The following PPM1L variants were observed in gnomAD, a reference collection of about 807,000 sequenced individuals.
The protein encoded by PPM1L is protein phosphatase, Mg2+/Mn2+ dependent 1L.
PPM1L carries 13 observed loss-of-function variants against 31.4 expected under a neutral mutation model. The ratio of observed to expected loss-of-function variants is 0.41; its 90% CI spans 0.27 to 0.66. The LOEUF is 0.66. Among genes scored for constraint, PPM1L ranks in the 30% least tolerant of loss-of-function variants. The pLI is 0.29. For synonymous variants in PPM1L, 184 were observed against 175.4 expected, an observed-to-expected ratio of 1.05 and a Z score of -0.39; for missense variants, 326 against 453.7, an observed-to-expected ratio of 0.72 and a Z score of 2.56.
Position 161,074,708 on chromosome 3 carries a change from T to A in PPM1L, c.*5551T>A, listed in dbSNP as rs1720048330. ...GCAAACTGTTGAGGCTAGGGTTGAT[T>A]ATTGATAATTTTTATGTGTTTAGTA... On this transcript the variant is annotated 3_prime_UTR_variant, in exon 4 of 4. Transcript: ENST00000498165. 6.6e-6 allele frequency: 1 copy of A among 152,190 alleles called. No individual in the cohort carries two copies. The highest frequency in any genetic ancestry group is 1.5e-5 in the Non-Finnish European group (1 of 68,042). The allele number at this position is 152,190 out of a possible 1,614,324, so 9.4% of individuals were successfully genotyped here. A position where few individuals can be genotyped will look rare whatever the true frequency, so the allele number is the denominator to read the frequency against.
chr3:160,899,439 C>T (rs115704723), intron 1 of PPM1L, among the ~76,000 whole-genome samples: 1,576 of 152,152 alleles, frequency 0.01, 26 homozygotes, highest in African/African-American at 0.036. Flanking sequence ...AAGATTAATT[C>T]CAAATAGAAG....
intron 1 of PPM1L, among the ~76,000 whole-genome samples, chr3:160,880,957 G>A (rs1712691211): frequency 6.6e-6 from 1 of 152,132 alleles, no homozygotes; most frequent in African/African-American, 2.4e-5. Context: ...GAGTTTTTGT[G>A]ATATAATGAA....
intron 1 of PPM1L, among the ~76,000 whole-genome samples, chr3:160,807,260 C>A (rs533874121): frequency 6.6e-6 from 1 of 152,166 alleles, no homozygotes; most frequent in South Asian, 2.1e-4. Flanking sequence ...CAAGTAGGCA[C>A]CCACCTTCAA....
At chr3:160,942,158 T>C (rs1057142635) in intron 1 of PPM1L, among the ~76,000 whole-genome samples, 1 of 152,258 alleles carries the variant, frequency 6.6e-6, no homozygotes, top group Non-Finnish European at 1.5e-5. Context: ...AGATTATTAC[T>C]GCTCATTAAT....
Position 160,993,722 on chromosome 3 carries a change from A to G in PPM1L, c.574+31812A>G, listed in dbSNP as rs145843580. ...ATGAGAACTGCAATAAGCAATCTCTATAATTCAAAAAGAGAAAACAGTTGT... is the reference window on the plus strand; with the variant it reads ...ATGAGAACTGCAATAAGCAATCTCTGTAATTCAAAAAGAGAAAACAGTTGT... On this transcript the variant is annotated intron_variant, in intron 2 of 3. Transcript: ENST00000498165. Among the ~76,000 whole-genome samples, 413 of 152,310 alleles carry G rather than the reference A, an allele frequency of 2.7e-3. 1 individual carries two copies. Among genetic ancestry groups the G allele is most frequent in the African/African-American group, 9.6e-3 (399 of 41,588 alleles).
In PPM1L at chr3:160,973,764, G is replaced by GTTTTTTTTTTTTTTTT. The variant is rs75599237; in HGVS notation, c.574+11868_574+11883dup. 2.1e-3 allele frequency among the ~76,000 whole-genome samples: 189 copies of GTTTTTTTTTTTTTTTT among 88,438 alleles called. 10 individuals carry two copies. The highest frequency in any genetic ancestry group is 3.7e-3 in the Non-Finnish European group (146 of 39,140). The allele number at this position is 88,438 out of a possible 152,430, so 58.0% of individuals were successfully genotyped here. ...GGTAAATTGCCTTCTGAAAGGCCCT[G>GTTTTTTTTTTTTTTTT]TTTTTTTTTTTTTTTTTTTTTTTTT... On this transcript the variant is annotated intron_variant, in intron 2 of 3. Coordinates refer to ENST00000498165, the MANE Select transcript of PPM1L (RefSeq NM_139245.4).
At chr3:160,757,237 G>A (rs1714834301) in intron 1 of PPM1L, among the ~76,000 whole-genome samples, 1 of 152,214 alleles carries the variant, frequency 6.6e-6, no homozygotes, top group Non-Finnish European at 1.5e-5. Flanking sequence ...GAATCCGAGG[G>A]GCAGCTCTGC....
chr3:161,037,832 A>C (rs974842205), intron 2 of PPM1L, among the ~76,000 whole-genome samples: 1 of 152,114 alleles, frequency 6.6e-6, no homozygotes, highest in African/African-American at 2.4e-5. Context: ...CTTGATCCTC[A>C]GAAACTCTGA....
At chr3:160,843,920 G>A (rs1274907261) in intron 1 of PPM1L, among the ~76,000 whole-genome samples, 1 of 152,054 alleles carries the variant, frequency 6.6e-6, no homozygotes, top group Admixed American at 6.6e-5. Flanking sequence ...AGAAAATGTG[G>A]TACATATACA....
chr3:161,003,397 G>A (rs1050424314), intron 2 of PPM1L, among the ~76,000 whole-genome samples: 1 of 151,878 alleles, frequency 6.6e-6, no homozygotes, highest in Non-Finnish European at 1.5e-5. Flanking sequence ...TAGCTTGATG[G>A]GGATGGCGTT....
At chr3:160,800,968 A>G (rs1452655865) in intron 1 of PPM1L, among the ~76,000 whole-genome samples, 2 of 152,322 alleles carry the variant, frequency 1.3e-5, no homozygotes, top group East Asian at 1.9e-4. Context: ...AAGACTGCAT[A>G]AAGTTTTTAT....
chr3:160,841,646 TTTAG>T (rs1713882214), intron 1 of PPM1L, among the ~76,000 whole-genome samples: 1 of 152,198 alleles, frequency 6.6e-6, no homozygotes, highest in African/African-American at 2.4e-5. Flanking sequence ...ACAGTCATAT[TTTAG>T]GCAGAGTCAA....
At chr3:161,031,641 A>G (rs1043152093) in intron 2 of PPM1L, among the ~76,000 whole-genome samples, 1 of 151,682 alleles carries the variant, frequency 6.6e-6, no homozygotes, top group Non-Finnish European at 1.5e-5. Flanking sequence ...GTAGGACTAT[A>G]GGTGCATACC....
At chr3:160,785,682 C>G (rs951858155) in intron 1 of PPM1L, among the ~76,000 whole-genome samples, 12 of 152,180 alleles carry the variant, frequency 7.9e-5, no homozygotes, top group African/African-American at 2.9e-4. Context: ...TGAACTTAGA[C>G]ACATCTGCAT....
At chr3:161,064,211 T>C (rs1282637628) in intron 2 of PPM1L, among the ~76,000 whole-genome samples, 1 of 151,100 alleles carries the variant, frequency 6.6e-6, no homozygotes, top group Non-Finnish European at 1.5e-5. Context: ...GAATTCAGTG[T>C]TTTTTTTCAA....
At chr3:160,868,387 G>A (rs181817592) in intron 1 of PPM1L, among the ~76,000 whole-genome samples, 4 of 152,260 alleles carry the variant, frequency 2.6e-5, no homozygotes, top group South Asian at 2.1e-4. Context: ...CCAAGACTTC[G>A]GTGTCGGGGG....
At chr3:160,787,899 G>T (rs2108071287) in intron 1 of PPM1L, among the ~76,000 whole-genome samples, 1 of 152,118 alleles carries the variant, frequency 6.6e-6, no homozygotes, top group South Asian at 2.1e-4. Flanking sequence ...ATGATTGTTG[G>T]TGTTGTGAAA....
intron 1 of PPM1L, among the ~76,000 whole-genome samples, chr3:160,870,203 C>T (rs1256617731): frequency 2.6e-5 from 4 of 152,206 alleles, no homozygotes; most frequent in Non-Finnish European, 2.9e-5. Flanking sequence ...GGTAAAGGCT[C>T]ATAGGACAGA....
chr3:160,756,347 T>G lies in PPM1L; in HGVS notation c.39T>G (p.Gly13=), dbSNP rs751009694. The G allele has an allele frequency of 1.2e-6, 2 of 1,614,012 alleles. No individual in the cohort carries two copies. The highest frequency in any genetic ancestry group is 1.7e-5 in the Admixed American group (1 of 60,012). Residue 13 remains glycine, a synonymous_variant, in exon 1 of 4, where the codon GGT becomes GGG. Transcript: ENST00000498165. The surrounding 1 kb of genome is among the most constrained non-coding windows in gnomAD (Gnocchi z 6.2). The part of the protein sequence containing the change: ...EDTMTLLSLL[G]RIMRYFLLRP... ...CAATGACTTTGCTGTCTCTGCTGGG[T>G]CGCATCATGCGCTACTTCTTGCTGA...
Sources: allele counts gnomAD v4.1 joint callset (sites outside exome capture counted in the v4.1 genomes callset), GRCh38; gene constraint gnomAD v4.1.1; non-coding constraint Gnocchi (gnomAD v3.1); transcripts MANE v1.5; gene names NCBI Gene and HGNC (gene_info 2026-07-23, HGNC 2026-07-21).